Variants in STARD13 observed in about 807,000 individuals in gnomAD.
STARD13 encodes the protein StAR related lipid transfer domain containing 13, also known as stAR-related lipid transfer protein 13.
In STARD13, 62 loss-of-function variants were observed where a neutral mutation model predicts 106.4. The ratio of observed to expected loss-of-function variants is 0.58; its 90% confidence interval spans 0.48 to 0.72. The LOEUF is 0.72. Ranked by LOEUF, STARD13 falls within the 30% of genes least tolerant of loss-of-function variation. The pLI is 0.00. For missense variants in STARD13, 1,387 were observed against 1,424.0 expected (o/e 0.97, Z 0.42); for synonymous variants, 565 against 553.0 (o/e 1.02, Z -0.31).
the STARD13 span, among the ~76,000 whole-genome samples, chr13:33,420,747 A>T: frequency 1.6e-4 from 24 of 152,240 alleles, no homozygotes; most frequent in Non-Finnish European, 5.9e-5. Flanking sequence ...AAATCACAAC[A>T]AACTGTCTCT....
At chr13:33,646,872 T>C in the STARD13 span, among the ~76,000 whole-genome samples, 2 of 152,190 alleles carry the variant, frequency 1.3e-5, no homozygotes. Context: ...TTAAATAAAA[T>C]ATTTTTGAAA....
chr13:33,184,582 T>C (rs1171185346), intron 1 of STARD13, among the ~76,000 whole-genome samples: 1 of 152,200 alleles, frequency 6.6e-6, no homozygotes, highest in Non-Finnish European at 1.5e-5. Flanking sequence ...GCAAGTCTCA[T>C]TACATCTCAA....
the STARD13 span, among the ~76,000 whole-genome samples, chr13:33,519,242 T>TTCTTTCTC: frequency 4.6e-5 from 7 of 150,962 alleles, no homozygotes; most frequent in South Asian, 1.5e-3. Flanking sequence ...CTTTCTTTCT[T>TTCTTTCTC]TCTTTCTTTC....
At chr13:33,437,941 G>A in the STARD13 span, among the ~76,000 whole-genome samples, 3 of 152,144 alleles carry the variant, frequency 2.0e-5, no homozygotes, top group Non-Finnish European at 2.9e-5. Flanking sequence ...GTAGTAGACC[G>A]AACTCTCATG....
At chr13:33,481,111 AG>A in the STARD13 span, among the ~76,000 whole-genome samples, 1 of 151,806 alleles carries the variant, frequency 6.6e-6, no homozygotes, top group Admixed American at 6.6e-5. Context: ...TCGGTGGATA[AG>A]GTCATTATTT....
chr13:33,527,862 G>A, the STARD13 span, among the ~76,000 whole-genome samples: 3 of 151,564 alleles, frequency 2.0e-5, no homozygotes, highest in African/African-American at 7.3e-5. Flanking sequence ...TTTTCTAGAG[G>A]AAGGCACATT....
intron 1 of STARD13, chr13:33,349,311 C>T (rs958312104): frequency 2.9e-6 from 2 of 694,544 alleles, no homozygotes; most frequent in Non-Finnish European, 5.3e-6. Context: ...CCCGAAGCAT[C>T]TTCCAGCAGC....
At position 33,149,840 on chromosome 13, in the gene STARD13, G is replaced by A. The variant is rs17078612; in HGVS notation, c.324-7467C>T. On this transcript the variant is annotated intron_variant, in intron 3 of 13. Transcript: ENST00000336934. ...TTCATCACACTTTATCAAAACCACT[G>A]CAAAATTCTCGTGTGAGTGAAGCCA... 3.8e-3 allele frequency among the ~76,000 whole-genome samples: 581 copies of A among 152,280 alleles called. 4 individuals are homozygous for A. Among genetic ancestry groups the A allele is most frequent in the African/African-American group, 0.013 (556 of 41,560 alleles).
chr13:33,341,798 CTTT>C (rs1190235963), intron 1 of STARD13, among the ~76,000 whole-genome samples: 1 of 144,966 alleles, frequency 6.9e-6, no homozygotes. Context: ...CAAATGCAAA[CTTT>C]TTTTTTTTTT....
At chr13:33,365,421 G>T in the STARD13 span, among the ~76,000 whole-genome samples, 1 of 152,180 alleles carries the variant, frequency 6.6e-6, no homozygotes. Context: ...TGCATTCACT[G>T]CACAGTTATA....
At chr13:33,543,065 G>A in the STARD13 span, among the ~76,000 whole-genome samples, 1 of 152,218 alleles carries the variant, frequency 6.6e-6, no homozygotes, top group South Asian at 2.1e-4. Flanking sequence ...TCTTTCTCTA[G>A]TTTTAAGTCC....
the STARD13 span, among the ~76,000 whole-genome samples, chr13:33,440,359 A>G: frequency 6.6e-6 from 1 of 151,776 alleles, no homozygotes; most frequent in Non-Finnish European, 1.5e-5. Context: ...CCACTGCTCC[A>G]GGGCCCTGGT....
At chr13:33,206,181 T>A in intron 1 of STARD13, 1 of 198,400 alleles carries the variant, frequency 5.0e-6, no homozygotes, top group Non-Finnish European at 9.1e-6. Flanking sequence ...GCTGCCAGTC[T>A]ATCACAAACC....
the STARD13 span, among the ~76,000 whole-genome samples, chr13:33,628,148 A>AAC: frequency 0.33 from 44,404 of 133,028 alleles, 7,094 homozygotes; most frequent in Admixed American, 0.45. Context: ...TCTCTTGTAA[A>AAC]ACACACACAC....
At chr13:33,286,404 C>G (rs1239451118), upstream of STARD13, among the ~76,000 whole-genome samples, 2 of 152,170 alleles carry the variant, frequency 1.3e-5, no homozygotes, top group East Asian at 3.9e-4. Flanking sequence ...GCATCCTTTC[C>G]TCTTTGATTT....
the STARD13 span, among the ~76,000 whole-genome samples, chr13:33,392,439 G>T: frequency 6.6e-6 from 1 of 152,046 alleles, no homozygotes; most frequent in Non-Finnish European, 1.5e-5. Context: ...TCACTCTGTC[G>T]CCCAGGCTGG....
At chr13:33,469,833 G>T in the STARD13 span, among the ~76,000 whole-genome samples, 1 of 146,630 alleles carries the variant, frequency 6.8e-6, no homozygotes, top group South Asian at 2.1e-4. Context: ...ACTTCAAGCA[G>T]GGTAGGGACA....
the STARD13 span, among the ~76,000 whole-genome samples, chr13:33,440,270 CAAA>C: frequency 9.4e-5 from 6 of 63,548 alleles, no homozygotes; most frequent in Non-Finnish European, 1.1e-4. Context: ...CAGAACGAGG[CAAA>C]AAAAAAAAAA....
intron 1 of STARD13, among the ~76,000 whole-genome samples, chr13:33,269,824 T>A (rs1217717439): frequency 1.3e-5 from 2 of 151,874 alleles, no homozygotes; most frequent in Non-Finnish European, 2.9e-5. Flanking sequence ...AAAACTAGAG[T>A]TTGAAATGAC....
Sources: allele counts gnomAD v4.1 joint callset (sites outside exome capture counted in the v4.1 genomes callset), GRCh38; gene constraint gnomAD v4.1.1; transcripts MANE v1.5; gene names NCBI Gene and HGNC (gene_info 2026-07-23, HGNC 2026-07-21).